ADGRB3: variants seen among roughly 807,000 people sequenced by gnomAD.
ADGRB3 encodes the protein adhesion G protein-coupled receptor B3.
A neutral mutation model predicts 193.4 loss-of-function variants in ADGRB3; 37 were observed. The observed-to-expected ratio is 0.19, with a 90% CI of 0.15 to 0.25. The LOEUF is 0.25. ADGRB3 is among the 10% of genes least tolerant of loss of function. The pLI, the probability that ADGRB3 is intolerant of heterozygous loss-of-function variation, is 1.00. For synonymous variants in ADGRB3, 690 were observed against 644.2 expected (o/e 1.07, Z -1.08); for missense variants, 1,637 against 1,852.9 (o/e 0.88, Z 2.14).
chr6:69,014,683 A>G (rs997231468), intron 12 of ADGRB3, among the ~76,000 whole-genome samples: 9 of 152,046 alleles, frequency 5.9e-5, no homozygotes, highest in African/African-American at 2.2e-4. Context: ...CTGATAAGAC[A>G]GTGACTAATT....
At chr6:69,108,104 T>C (rs1187807231) in intron 17 of ADGRB3, among the ~76,000 whole-genome samples, 7 of 152,060 alleles carry the variant, frequency 4.6e-5, no homozygotes, top group Non-Finnish European at 8.8e-5. Context: ...GTCTGAATTA[T>C]GGAGTAAGTC....
intron 3 of ADGRB3, among the ~76,000 whole-genome samples, chr6:68,832,704 T>C (rs1582238348): frequency 6.6e-6 from 1 of 152,286 alleles, no homozygotes; most frequent in Non-Finnish European, 1.5e-5. Flanking sequence ...CTTGTCTTTC[T>C]CATGGCCACA....
chr6:69,271,755 C>A (rs1767186017), intron 20 of ADGRB3, among the ~76,000 whole-genome samples: 2 of 152,164 alleles, frequency 1.3e-5, no homozygotes, highest in South Asian at 4.1e-4. Flanking sequence ...CACACACAGA[C>A]ACACCCCTTT....
chr6:69,278,992 C>T (rs943883862), intron 20 of ADGRB3, among the ~76,000 whole-genome samples: 2 of 146,792 alleles, frequency 1.4e-5, no homozygotes, highest in South Asian at 2.2e-4. Flanking sequence ...TTGATCTTTG[C>T]ATTCCTATAA....
intron 8 of ADGRB3, among the ~76,000 whole-genome samples, chr6:68,959,374 A>G (rs1768171221): frequency 6.6e-6 from 1 of 152,136 alleles, no homozygotes; most frequent in Non-Finnish European, 1.5e-5. Flanking sequence ...AATTTTTTTA[A>G]ACAATATGCT....
intron 3 of ADGRB3, among the ~76,000 whole-genome samples, chr6:68,715,351 G>A (rs547013025): frequency 2.8e-4 from 42 of 151,590 alleles, no homozygotes; most frequent in African/African-American, 4.3e-4. Flanking sequence ...AAGGTTTACT[G>A]AGGTTATATC....
intron 3 of ADGRB3, among the ~76,000 whole-genome samples, chr6:68,875,383 A>G (rs900046499): frequency 8.8e-6 from 1 of 114,018 alleles, no homozygotes; most frequent in African/African-American, 2.6e-5. Context: ...TGGTAAGGTT[A>G]AAAGGGAAGC....
intron 20 of ADGRB3, among the ~76,000 whole-genome samples, chr6:69,297,368 T>TCTCTCTCTTTCTCTCTCTCTCTCTCTCTC (rs1767846054): frequency 1.0e-5 from 1 of 97,614 alleles, no homozygotes; most frequent in African/African-American, 3.9e-5. Context: ...CTCTCTCTCT[T>TCTCTCTCTTTCTCTCTCTCTCTCTCTCTC]TCTCTCTCTC....
At chr6:69,019,284 C>T (rs1055623226) in intron 13 of ADGRB3, among the ~76,000 whole-genome samples, 1 of 151,956 alleles carries the variant, frequency 6.6e-6, no homozygotes, top group African/African-American at 2.4e-5. Context: ...ATACTCTTAA[C>T]ATAAAAACCA....
At chr6:69,273,495 A>G (rs529993392) in intron 20 of ADGRB3, among the ~76,000 whole-genome samples, 14 of 152,186 alleles carry the variant, frequency 9.2e-5, no homozygotes, top group Admixed American at 3.3e-4. Flanking sequence ...GTAGTTCTCA[A>G]TAATTTTAAA....
At chr6:68,766,930 C>T (rs546316568) in intron 3 of ADGRB3, among the ~76,000 whole-genome samples, 1 of 151,964 alleles carries the variant, frequency 6.6e-6, no homozygotes, top group African/African-American at 2.4e-5. Flanking sequence ...GGTTTTTCAT[C>T]CATGGTTCTC....
At chr6:69,103,262 A>G (rs980915564) in intron 17 of ADGRB3, among the ~76,000 whole-genome samples, 1 of 152,198 alleles carries the variant, frequency 6.6e-6, no homozygotes, top group African/African-American at 2.4e-5. Flanking sequence ...AGTTGAAATA[A>G]ATGGGTTATA....
chr6:68,999,241 G>A (rs1042343654), intron 11 of ADGRB3, among the ~76,000 whole-genome samples: 23 of 151,292 alleles, frequency 1.5e-4, no homozygotes, highest in African/African-American at 5.3e-4. Context: ...ATTCATTAAA[G>A]CCATGTGGTA....
At chr6:68,744,508 C>T (rs113071537) in intron 3 of ADGRB3, among the ~76,000 whole-genome samples, 41,164 of 151,970 alleles carry the variant, frequency 0.27, 6,200 homozygotes, top group Middle Eastern at 0.34. Context: ...CATTGATAGA[C>T]TGGGTAAAGA....
chr6:69,268,797 C>T (rs957066762), intron 20 of ADGRB3, among the ~76,000 whole-genome samples: 1 of 151,998 alleles, frequency 6.6e-6, no homozygotes, highest in Admixed American at 6.6e-5. Flanking sequence ...CCTGTGTTGC[C>T]CACTCCAAAA....
chr6:68,702,208 A>AAGAGAG lies in ADGRB3; in HGVS notation c.757+62793_757+62798dup, dbSNP rs140234329. ...TCACATGGCAAGAACAGGAGCGAGAAAGAGAGAGAGAGAGAGAGAGAGGAG... is the reference window on the plus strand; with the variant it reads ...TCACATGGCAAGAACAGGAGCGAGAAAGAGAGAGAGAGAGAGAGAGAGAGAGAGGAG... On this transcript the variant is annotated intron_variant, in intron 3 of 31. Transcript: ENST00000370598. 6.2e-3 allele frequency among the ~76,000 whole-genome samples: 932 copies of AAGAGAG among 149,130 alleles called. 6 individuals are homozygous for AAGAGAG. Among genetic ancestry groups the AAGAGAG allele is most frequent in the South Asian group, 0.011 (52 of 4,704 alleles).
intron 3 of ADGRB3, among the ~76,000 whole-genome samples, chr6:68,745,793 C>T (rs1295382981): frequency 6.6e-6 from 1 of 151,816 alleles, no homozygotes; most frequent in East Asian, 1.9e-4. Context: ...ATGGCTTTCC[C>T]TTTGATGTGA....
intron 17 of ADGRB3, among the ~76,000 whole-genome samples, chr6:69,130,912 T>C (rs1347148961): frequency 6.6e-6 from 1 of 152,072 alleles, no homozygotes; most frequent in East Asian, 1.9e-4. Context: ...TCTGAACATG[T>C]TTTTATTTGA....
chr6:68,877,510 A>C (rs1765626527), intron 3 of ADGRB3, among the ~76,000 whole-genome samples: 1 of 152,092 alleles, frequency 6.6e-6, no homozygotes, highest in Non-Finnish European at 1.5e-5. Flanking sequence ...CATCATTTGC[A>C]TGGCCATTTG....
Sources: allele counts gnomAD v4.1 joint callset (sites outside exome capture counted in the v4.1 genomes callset), GRCh38; gene constraint gnomAD v4.1.1; transcripts MANE v1.5; gene names NCBI Gene and HGNC (gene_info 2026-07-23, HGNC 2026-07-21).